The following CWC27 variants were observed in gnomAD, a reference collection of about 807,000 sequenced individuals.
CWC27 encodes CWC27 spliceosome associated cyclophilin, also known as spliceosome-associated protein CWC27 homolog.
CWC27 carries 47 observed loss-of-function variants against 63.6 expected under a neutral mutation model. The observed-to-expected ratio is 0.74, with a 90% CI of 0.58 to 0.94. The LOEUF is 0.94. CWC27 is among the 40% of genes least tolerant of loss of function. CWC27 has a pLI of 0.00. For missense variants in CWC27, 495 were observed against 554.3 expected (o/e 0.89, Z 1.07); for synonymous variants, 175 against 179.8 (o/e 0.97, Z 0.22).
intron 11 of CWC27, among the ~76,000 whole-genome samples, chr5:64,971,182 A>G (rs1271615048): frequency 6.6e-6 from 1 of 152,190 alleles, no homozygotes; most frequent in African/African-American, 2.4e-5. Flanking sequence ...TTTCTAATTC[A>G]GTAAAGATTA....
chr5:65,000,541 T>A (rs1434583343), intron 13 of CWC27, among the ~76,000 whole-genome samples: 2 of 152,144 alleles, frequency 1.3e-5, no homozygotes, highest in Non-Finnish European at 2.9e-5. Flanking sequence ...TTCTTCTGTA[T>A]ATGGATATCC....
At chr5:64,944,734 A>G (rs1169021919) in intron 11 of CWC27, among the ~76,000 whole-genome samples, 1 of 152,112 alleles carries the variant, frequency 6.6e-6, no homozygotes, top group Non-Finnish European at 1.5e-5. Context: ...GTCAGCCACA[A>G]TCATCTCCCG....
intron 11 of CWC27, among the ~76,000 whole-genome samples, chr5:64,941,059 T>C (rs1748469605): frequency 6.6e-6 from 1 of 152,108 alleles, no homozygotes; most frequent in Non-Finnish European, 1.5e-5. Flanking sequence ...TTGGCCAGGC[T>C]GGTCTTGAAC....
chr5:64,944,591 C>T (rs1237128028), intron 11 of CWC27, among the ~76,000 whole-genome samples: 1 of 152,158 alleles, frequency 6.6e-6, no homozygotes, highest in Non-Finnish European at 1.5e-5. Flanking sequence ...ATATTTCAAA[C>T]CTGCTCCTCC....
chr5:64,928,221 A>C (rs911055451), intron 11 of CWC27, among the ~76,000 whole-genome samples: 4 of 151,812 alleles, frequency 2.6e-5, no homozygotes, highest in Admixed American at 6.6e-5. Flanking sequence ...ATATTCCCTT[A>C]AGGAACTTGA....
Position 64,804,340 on chromosome 5 carries a change from A to G in CWC27, c.892A>G (p.Lys298Glu), listed in dbSNP as rs747909538. The G allele has an allele frequency of 1.2e-6, 2 of 1,612,998 alleles. No homozygotes were observed. Among genetic ancestry groups the G allele is most frequent in the Non-Finnish European group, 1.7e-6 (2 of 1,179,532 alleles). The change falls in exon 10 of 14, where the codon AAA becomes GAA. Residue 298 changes from lysine to glutamate, a missense_variant. Lys to Glu is a moderately conservative substitution (Grantham distance 56). Coordinates refer to ENST00000381070, the MANE Select transcript of CWC27 (RefSeq NM_005869.4). ...KLKKDTSANVKSAGEGEVEKK... is the reference protein window; with the variant it reads ...KLKKDTSANVESAGEGEVEKK... ...AAAAAAGGACACAAGTGCGAATGTT[A>G]AATCAGCTGGAGAAGGAGAAGTGGA...
At chr5:64,808,097 T>C in intron 10 of CWC27, 1 of 1,169,946 alleles carries the variant, frequency 8.5e-7, no homozygotes, top group Non-Finnish European at 1.1e-6. Context: ...TAAAGTGTGA[T>C]CTGTGAAGCA....
chr5:64,795,582 A>G (rs189608717), intron 7 of CWC27, among the ~76,000 whole-genome samples: 64 of 152,222 alleles, frequency 4.2e-4, no homozygotes, highest in Admixed American at 2.3e-3. Context: ...CCCTTCTTCT[A>G]TCTTCAAAGC....
At chr5:64,821,843 G>A (rs78249451) in intron 10 of CWC27, among the ~76,000 whole-genome samples, 53,627 of 151,950 alleles carry the variant, frequency 0.35, 9,913 homozygotes, top group East Asian at 0.51. Flanking sequence ...TTATACCTCC[G>A]TTGAGATGAG....
intron 10 of CWC27, among the ~76,000 whole-genome samples, chr5:64,833,957 A>G (rs13165264): frequency 6.6e-6 from 1 of 151,564 alleles, no homozygotes; most frequent in Non-Finnish European, 1.5e-5. Context: ...ATAACACTGG[A>G]TGAAATTGTT....
chr5:64,928,205 G>A (rs1231327884), intron 11 of CWC27, among the ~76,000 whole-genome samples: 4 of 150,286 alleles, frequency 2.7e-5, no homozygotes, highest in Admixed American at 2.7e-4. Context: ...TGTTTCCTCA[G>A]TCTGCATATT....
intron 10 of CWC27, among the ~76,000 whole-genome samples, chr5:64,869,389 T>C (rs1327178018): frequency 6.6e-6 from 1 of 152,090 alleles, no homozygotes; most frequent in African/African-American, 2.4e-5. Context: ...GCAAGCAGTT[T>C]CCAAAGTGCT....
At chr5:64,902,171 T>C (rs1330451136) in intron 11 of CWC27, among the ~76,000 whole-genome samples, 2 of 152,242 alleles carry the variant, frequency 1.3e-5, no homozygotes, top group Admixed American at 6.5e-5. Context: ...TCAAGTATTA[T>C]GTACTGTACA....
chr5:64,970,958 AGT>A (rs57958257), intron 11 of CWC27, among the ~76,000 whole-genome samples: 26,019 of 143,214 alleles, frequency 0.18, 2,307 homozygotes, highest in Admixed American at 0.24. Flanking sequence ...AGAGAGAGGG[AGT>A]GTGTGTGTGT....
intron 2 of CWC27, among the ~76,000 whole-genome samples, chr5:64,777,827 A>T (rs1384320730): frequency 6.6e-6 from 1 of 152,188 alleles, no homozygotes; most frequent in Non-Finnish European, 1.5e-5. Flanking sequence ...ATAGTTCAAT[A>T]GTGATTACTA....
At chr5:64,871,314 G>A (rs945752105) in intron 10 of CWC27, among the ~76,000 whole-genome samples, 3 of 152,074 alleles carry the variant, frequency 2.0e-5, no homozygotes, top group Admixed American at 2.0e-4. Flanking sequence ...TAAGCTTGAT[G>A]GTAAGGATAA....
chr5:64,813,223 A>G (rs534914560), intron 10 of CWC27, among the ~76,000 whole-genome samples: 3 of 152,296 alleles, frequency 2.0e-5, no homozygotes, highest in Admixed American at 2.0e-4. Context: ...CATTTCTGGC[A>G]AGCTTCCATT....
At chr5:64,966,378 G>A (rs146987736) in intron 11 of CWC27, among the ~76,000 whole-genome samples, 1 of 152,248 alleles carries the variant, frequency 6.6e-6, no homozygotes, top group Non-Finnish European at 1.5e-5. Context: ...TAATTGTACA[G>A]TCAGTGTGAG....
chr5:64,897,359 G>A (rs886517815), intron 11 of CWC27, among the ~76,000 whole-genome samples: 1 of 152,140 alleles, frequency 6.6e-6, no homozygotes, highest in African/African-American at 2.4e-5. Flanking sequence ...TGATAGAATG[G>A]ATTAAGAAAA....
Sources: gnomAD v4.1 joint callset for allele counts (sites outside exome capture counted in the v4.1 genomes callset) on GRCh38, gnomAD v4.1.1 for gene constraint, MANE v1.5 for transcripts, NCBI Gene and HGNC (gene_info 2026-07-23, HGNC 2026-07-21) for gene names.